Variants in GRID2 observed in about 807,000 individuals in gnomAD.
GRID2 encodes the protein glutamate ionotropic receptor delta type subunit 2, also known as glutamate receptor ionotropic, delta-2.
Under a neutral mutation model 114.8 loss-of-function variants are expected in GRID2, and 33 were observed. The observed-to-expected ratio is 0.29, with a 90% CI of 0.22 to 0.38. The LOEUF is 0.38. Among genes scored for constraint, GRID2 ranks in the 10% least tolerant of loss-of-function variants. GRID2 has a pLI of 1.00. For synonymous variants in GRID2, 505 were observed against 449.9 expected, an observed-to-expected ratio of 1.12 and a Z score of -1.55; for missense variants, 1,184 against 1,257.7, an observed-to-expected ratio of 0.94 and a Z score of 0.89.
intron 2 of GRID2, among the ~76,000 whole-genome samples, chr4:93,009,204 T>G (rs987959398): frequency 6.6e-6 from 1 of 152,132 alleles, no homozygotes; most frequent in Admixed American, 6.6e-5. Flanking sequence ...CTCTATACTT[T>G]CCCTACTGCA....
chr4:92,602,117 A>G (rs1331548398), intron 2 of GRID2, among the ~76,000 whole-genome samples: 4 of 151,820 alleles, frequency 2.6e-5, no homozygotes, highest in African/African-American at 9.7e-5. Flanking sequence ...TTCTGAAACT[A>G]TTCCAAACAA....
chr4:92,721,175 T>C (rs1735792539), intron 2 of GRID2, among the ~76,000 whole-genome samples: 2 of 152,044 alleles, frequency 1.3e-5, no homozygotes, highest in African/African-American at 4.8e-5. Context: ...GAAGTTAGTG[T>C]TCAATGGACA....
chr4:92,404,067 A>G (rs1295460243), intron 1 of GRID2, among the ~76,000 whole-genome samples: 1 of 152,222 alleles, frequency 6.6e-6, no homozygotes, highest in Non-Finnish European at 1.5e-5. Context: ...ACGCAGAGAC[A>G]TGAAGTGAAC....
At chr4:92,830,553 C>T (rs1742035279) in intron 2 of GRID2, among the ~76,000 whole-genome samples, 1 of 151,946 alleles carries the variant, frequency 6.6e-6, no homozygotes, top group Non-Finnish European at 1.5e-5. Flanking sequence ...TATTTTAGTA[C>T]TAATAATTCA....
At chr4:92,719,154 T>A (rs1735691066) in intron 2 of GRID2, among the ~76,000 whole-genome samples, 1 of 151,934 alleles carries the variant, frequency 6.6e-6, no homozygotes. Flanking sequence ...GCCTAGCTAA[T>A]TTTTTGTATT....
At position 93,189,302 on chromosome 4, in the gene GRID2, G is replaced by A. The variant is rs139573815; in HGVS notation, c.736-18102G>A. ...AGATCAAGGTGCCAACAGATTCCGT[G>A]TCTGATGAGGACTCCCTTTCTACTT... On this transcript the variant is annotated intron_variant, in intron 4 of 15. Coordinates refer to ENST00000282020, the MANE Select transcript of GRID2 (RefSeq NM_001510.4). Among the ~76,000 whole-genome samples the A allele has an allele frequency of 3.3e-5, 5 of 152,264 alleles. No homozygotes were observed. The East Asian group carries it at 9.7e-4, about 29-fold the overall frequency.
At chr4:93,755,643 G>T (rs1732680450) in intron 14 of GRID2, among the ~76,000 whole-genome samples, 1 of 152,132 alleles carries the variant, frequency 6.6e-6, no homozygotes, top group South Asian at 2.1e-4. Context: ...AAGAGGTGAT[G>T]TTTTATATTA....
At chr4:93,013,519 T>C (rs1351459185) in intron 2 of GRID2, among the ~76,000 whole-genome samples, 1 of 151,768 alleles carries the variant, frequency 6.6e-6, no homozygotes, top group African/African-American at 2.4e-5. Context: ...TATGTATTTA[T>C]ATATATATAC....
chr4:93,116,044 A>G (rs990584111), intron 4 of GRID2, among the ~76,000 whole-genome samples: 6 of 152,132 alleles, frequency 3.9e-5, no homozygotes, highest in Non-Finnish European at 7.4e-5. Flanking sequence ...ACCTTTTCTT[A>G]TATAATAAGT....
chr4:92,649,888 T>G (rs1353096594), intron 2 of GRID2, among the ~76,000 whole-genome samples: 2 of 152,048 alleles, frequency 1.3e-5, no homozygotes, highest in Non-Finnish European at 2.9e-5. Flanking sequence ...TGTAAACTCT[T>G]CATAAGTTAT....
rs184949479 is a variant in GRID2 at position 93,751,791 on chromosome 4, C to T, written c.2361-17419C>T. Reference sequence around the variant, plus strand: ...GGTGATACTGAAATTGAGGCTGTCCCCACTGTCTTCTCAAGGCCTGTAACC... The same window carrying T: ...GGTGATACTGAAATTGAGGCTGTCCTCACTGTCTTCTCAAGGCCTGTAACC... On this transcript the variant is annotated intron_variant, in intron 14 of 15. Coordinates refer to ENST00000282020, the MANE Select transcript of GRID2 (RefSeq NM_001510.4). Among the ~76,000 whole-genome samples, 394 of 152,198 alleles carry T rather than the reference C, an allele frequency of 2.6e-3. 2 individuals are homozygous for T. The highest frequency in any genetic ancestry group is 9.0e-3 in the African/African-American group (375 of 41,510).
intron 2 of GRID2, among the ~76,000 whole-genome samples, chr4:93,009,672 T>G (rs1721922245): frequency 6.6e-6 from 1 of 152,148 alleles, no homozygotes; most frequent in Admixed American, 6.6e-5. Context: ...TTTATTGTTG[T>G]TTGTTTGTTT....
chr4:92,826,405 T>G (rs1741703480), intron 2 of GRID2, among the ~76,000 whole-genome samples: 1 of 152,120 alleles, frequency 6.6e-6, no homozygotes, highest in African/African-American at 2.4e-5. Flanking sequence ...CACACCATAT[T>G]TTCTATCTTC....
intron 1 of GRID2, among the ~76,000 whole-genome samples, chr4:92,571,393 GA>G (rs1727613273): frequency 6.6e-6 from 1 of 152,108 alleles, no homozygotes; most frequent in Non-Finnish European, 1.5e-5. Flanking sequence ...CAAGTCTTTA[GA>G]GACCTACAAA....
chr4:93,722,937 A>G (rs1367306928), intron 14 of GRID2, among the ~76,000 whole-genome samples: 1 of 152,248 alleles, frequency 6.6e-6, no homozygotes, highest in Non-Finnish European at 1.5e-5. Flanking sequence ...ACTGAAAACC[A>G]TGTAACCACC....
At chr4:92,920,763 C>A (rs903682469) in intron 2 of GRID2, among the ~76,000 whole-genome samples, 4 of 152,180 alleles carry the variant, frequency 2.6e-5, no homozygotes, top group African/African-American at 9.7e-5. Flanking sequence ...CGACCTTTCT[C>A]TCTGGCTACC....
intron 6 of GRID2, among the ~76,000 whole-genome samples, chr4:93,218,589 T>A (rs564837738): frequency 6.6e-6 from 1 of 152,310 alleles, no homozygotes; most frequent in South Asian, 2.1e-4. Context: ...TCCTCCATCA[T>A]AATTACCACA....
intron 2 of GRID2, among the ~76,000 whole-genome samples, chr4:92,976,848 G>T (rs1753913580): frequency 6.6e-6 from 1 of 152,050 alleles, no homozygotes; most frequent in African/African-American, 2.4e-5. Context: ...CTCAGTATTA[G>T]CTTTTTCATT....
At chr4:93,288,287 A>G (rs960304397) in intron 8 of GRID2, among the ~76,000 whole-genome samples, 1 of 152,248 alleles carries the variant, frequency 6.6e-6, no homozygotes, top group South Asian at 2.1e-4. Flanking sequence ...AATATAAAAA[A>G]GTTCCAAAAT....
Sources: allele counts gnomAD v4.1 joint callset (sites outside exome capture counted in the v4.1 genomes callset), GRCh38; gene constraint gnomAD v4.1.1; transcripts MANE v1.5; gene names NCBI Gene and HGNC (gene_info 2026-07-23, HGNC 2026-07-21).